Variants in MBTPS2 observed in about 807,000 individuals in gnomAD.
MBTPS2 encodes the protein membrane bound transcription factor peptidase, site 2.
MBTPS2 carries 2 observed loss-of-function variants against 35.4 expected under a neutral mutation model. That is an observed-to-expected ratio of 0.06 (90% CI 0.02 to 0.18). The LOEUF (loss-of-function observed/expected upper bound fraction) is 0.18, where lower values mean the gene tolerates loss of function less well. Ranked by LOEUF, MBTPS2 falls within the 10% of genes least tolerant of loss-of-function variation. The pLI is 1.00. For missense variants in MBTPS2, 244 were observed against 386.5 expected, an observed-to-expected ratio of 0.63 and a Z score of 3.09; for synonymous variants, 125 against 140.4, an observed-to-expected ratio of 0.89 and a Z score of 0.77.
At position 21,851,502 on chromosome X, in the gene MBTPS2, T is replaced by C; in HGVS notation, c.439-7T>C. On this transcript the variant is annotated splice_polypyrimidine_tract_variant and splice_region_variant and intron_variant, in intron 3 of 10. Coordinates refer to ENST00000379484, the MANE Select transcript of MBTPS2 (RefSeq NM_015884.4). Reference sequence around the variant, plus strand: ...GATAATTGCTGCCATATTGTGTCTATGAACAGGTTCCTGGTATAAATTTAC... The same window carrying C: ...GATAATTGCTGCCATATTGTGTCTACGAACAGGTTCCTGGTATAAATTTAC... 1.7e-6 allele frequency: 2 copies of C among 1,163,064 alleles called. No homozygotes were observed. Among genetic ancestry groups the C allele is most frequent in the Non-Finnish European group, 2.3e-6 (2 of 851,298 alleles).
At chrX:21,865,802 T>A (rs933536833) in intron 5 of MBTPS2, among the ~76,000 whole-genome samples, 2 of 112,314 alleles carry the variant, frequency 1.8e-5, no homozygotes, top group Non-Finnish European at 3.8e-5. Context: ...GGTTTTTTTT[T>A]ATTATTATTT....
At chrX:21,871,382 G>A (rs774513305) in intron 7 of MBTPS2, 1 of 111,189 alleles carries the variant, frequency 9.0e-6, no homozygotes, top group East Asian at 2.8e-4. Context: ...TAGTATAAAC[G>A]AGCCCACATG....
rs1163044337 is a variant in MBTPS2, at chrX:21,845,302, C to A, written c.356C>A (p.Ser119Tyr). 4 of 1,185,231 alleles carry A rather than the reference C, an allele frequency of 3.4e-6. No individual in the cohort carries two copies. The highest frequency in any genetic ancestry group is 4.6e-6 in the Non-Finnish European group (4 of 871,974). ...SPSSYSSSSS[S>Y]SSSSSSSSSS... ...TCTTCTTATTCTTCCTCCTCTTCTTCCTCTTCCTCCTCTTCTTCCTCTTCC... is the reference window on the plus strand; with the variant it reads ...TCTTCTTATTCTTCCTCCTCTTCTTACTCTTCCTCCTCTTCTTCCTCTTCC... Residue 119 changes from serine to tyrosine, a missense_variant, in exon 3 of 11, where the codon TCC becomes TAC. Transcript: ENST00000379484.
chrX:21,870,822 AAAAATCAGCTTCCCAATTCTTTATAC>A (rs201268577), intron 7 of MBTPS2: 24,680 of 109,460 alleles, frequency 0.23, 2,359 homozygotes, highest in Non-Finnish European at 0.25. Flanking sequence ...TTCAGCTCTG[AAAAATCAGCTTCCCAATTCTTTATAC>A]AAAATCAGCT....
At position 21,869,502 on chromosome X, in the gene MBTPS2, C is replaced by G. The variant is rs1283471065; in HGVS notation, c.794C>G (p.Ser265Cys). 8.3e-7 allele frequency: 1 copy of G among 1,208,563 alleles called. No homozygotes were observed. The change falls in exon 7 of 11, where the codon TCT (serine) becomes TGT (cysteine). Residue 265 changes from serine (S) to cysteine (C), a missense_variant. Transcript: ENST00000379484. The stretch of plus-strand genomic sequence containing the variant: ...TGGTTTTACCCTCTTCCCAAGGACT[C>G]TCCTGCCATTGGACCCAGAGGCCTT... ...GVLITEVAED[S>C]PAIGPRGLFV...
At chrX:21,850,902 G>A (rs776852843) in intron 3 of MBTPS2, among the ~76,000 whole-genome samples, 2 of 111,451 alleles carry the variant, frequency 1.8e-5, no homozygotes, top group Non-Finnish European at 3.8e-5. Context: ...GACCAACATA[G>A]TAGACCAACT....
rs1569325824 is a variant in MBTPS2 at position 21,862,958 on chromosome X, ATATATATAT to A, written c.671-5508_671-5500del. 8.6e-4 allele frequency among the ~76,000 whole-genome samples: 52 copies of A among 60,592 alleles called. 1 individual carries two copies. The highest frequency in any genetic ancestry group is 3.1e-3 in the African/African-American group (50 of 16,028). The allele number at this position is 60,592 out of a possible 115,157, so 52.6% of individuals were successfully genotyped here. A position where few individuals can be genotyped will look rare whatever the true frequency, so the allele number is the denominator to read the frequency against. ...CATATATATATATATATATATATAT[ATATATATAT>A]AAAACCGACTGGGCGCGGTGGCTCA... is the stretch of plus-strand genomic sequence containing the variant. On this transcript the variant is annotated intron_variant, in intron 5 of 10. Coordinates refer to ENST00000379484, the MANE Select transcript of MBTPS2 (RefSeq NM_015884.4).
At position 21,884,461 on chromosome X, in the gene MBTPS2, T is replaced by TA. The variant is rs2092962555; in HGVS notation, c.*1807dup. 5 of 738,990 alleles carry TA rather than the reference T, an allele frequency of 6.8e-6. No homozygotes were observed. Among genetic ancestry groups the TA allele is most frequent in the Non-Finnish European group, 8.0e-6 (5 of 625,220 alleles). 60.9% of individuals were successfully genotyped at this position (738,990 alleles called of 1,213,427 possible). A position where few individuals can be genotyped will look rare whatever the true frequency, so the allele number is the denominator to read the frequency against. On this transcript the variant is annotated 3_prime_UTR_variant, in exon 11 of 11. Transcript: ENST00000379484. Reference sequence around the variant, plus strand: ...TTTAAAAACCAAGAAAAAACTTTAATAGAGGAAATCTTATTCATTAATTTA... The same window carrying TA: ...TTTAAAAACCAAGAAAAAACTTTAATAAGAGGAAATCTTATTCATTAATTTA...
intron 3 of MBTPS2, among the ~76,000 whole-genome samples, chrX:21,849,791 C>T (rs1284135889): frequency 9.8e-6 from 1 of 102,230 alleles, no homozygotes; most frequent in Non-Finnish European, 2.0e-5. Context: ...CTTTGGGAGG[C>T]GGAGGAAGGC....
intron 7 of MBTPS2, among the ~76,000 whole-genome samples, chrX:21,873,283 C>T (rs1159555210): frequency 9.0e-6 from 1 of 111,698 alleles, no homozygotes; most frequent in Non-Finnish European, 1.9e-5. Flanking sequence ...TTATCTGGGT[C>T]AGAACAGAAA....
At chrX:21,845,103 T>G in intron 2 of MBTPS2, 68 bp from the exon 3 acceptor site, 3 of 1,209,556 alleles carry the variant, frequency 2.5e-6, no homozygotes, top group Non-Finnish European at 3.4e-6. Context: ...TGTGGCTGCT[T>G]AGTGAATTTG....
chrX:21,883,427 T>C lies in MBTPS2; in HGVS notation c.*772T>C. On this transcript the variant is annotated 3_prime_UTR_variant, in exon 11 of 11. Transcript: ENST00000379484. The stretch of plus-strand genomic sequence containing the variant: ...CAGCATGTGAGCAGAGGGAGGCAGT[T>C]GGGGTTGAACTTCGGAACTAGGCCG... 1 of 752,764 alleles carries C rather than the reference T, an allele frequency of 1.3e-6. No individual in the cohort carries two copies. The highest frequency in any genetic ancestry group is 1.5e-4 in the East Asian group (1 of 6,546). The allele number at this position is 752,764 out of a possible 1,213,427, so 62.0% of individuals were successfully genotyped here.
intron 7 of MBTPS2, chrX:21,871,601 T>A (rs753223627): frequency 2.7e-5 from 3 of 112,176 alleles, no homozygotes; most frequent in African/African-American, 9.7e-5. Flanking sequence ...ATTTCTGATA[T>A]CTGGTTGGTA....
chrX:21,862,968 A>ATATATAT (rs1569325859), intron 5 of MBTPS2, among the ~76,000 whole-genome samples: 57 of 67,043 alleles, frequency 8.5e-4, no homozygotes, highest in Admixed American at 1.9e-3. Context: ...ATATATATAT[A>ATATATAT]AAACCGACTG....
At chrX:21,848,624 G>A (rs1348886511) in intron 3 of MBTPS2, among the ~76,000 whole-genome samples, 3 of 111,330 alleles carry the variant, frequency 2.7e-5, no homozygotes, top group Non-Finnish European at 5.7e-5. Flanking sequence ...AGCTTGCAGT[G>A]AGCCGAGATC....
chrX:21,849,826 A>G (rs1380375754), intron 3 of MBTPS2, among the ~76,000 whole-genome samples: 73 of 99,417 alleles, frequency 7.3e-4, no homozygotes, highest in Non-Finnish European at 1.2e-3. Context: ...GGAGATTGAG[A>G]CCACGGTGAA....
rs1180929303 is a variant in MBTPS2, at chrX:21,862,943, T to TAAAC, written c.671-5523_671-5522insAACA. Among the ~76,000 whole-genome samples the TAAAC allele has an allele frequency of 4.4e-3, 196 of 44,069 alleles. 4 individuals are homozygous for TAAAC. The highest frequency in any genetic ancestry group is 0.022 in the African/African-American group (190 of 8,672). 38.3% of individuals were successfully genotyped at this position (44,069 alleles called of 115,157 possible). A position where few individuals can be genotyped will look rare whatever the true frequency, so the allele number is the denominator to read the frequency against. On this transcript the variant is annotated intron_variant, in intron 5 of 10. Transcript: ENST00000379484. ...ACATATATATATAAACATATATATA[T>TAAAC]ATATATATATATATATATATATATA...
intron 1 of MBTPS2, among the ~76,000 whole-genome samples, chrX:21,841,483 G>A (rs1003476918): frequency 9.1e-6 from 1 of 110,107 alleles, no homozygotes; most frequent in Non-Finnish European, 1.9e-5. Flanking sequence ...AAGCAATACA[G>A]GCCACAATGA....
In MBTPS2 at chrX:21,856,816, T is replaced by G. The variant is rs189927135; in HGVS notation, c.670+3313T>G. On this transcript the variant is annotated intron_variant, in intron 5 of 10. Transcript: ENST00000379484. ...GACCAGTTGGCCCTCCCGGATAGCA[T>G]TGAAGACGAGCACTTCCAGATGACC... 145 of 1,209,862 alleles carry G rather than the reference T, an allele frequency of 1.2e-4. No homozygotes were observed. The highest frequency in any genetic ancestry group is 1.6e-4 in the Non-Finnish European group (140 of 895,256).
Sources: gnomAD v4.1 joint callset for allele counts (sites outside exome capture counted in the v4.1 genomes callset) on GRCh38, gnomAD v4.1.1 for gene constraint, MANE v1.5 for transcripts, NCBI Gene and HGNC (gene_info 2026-07-23, HGNC 2026-07-21) for gene names.